IRAK2: variants seen among roughly 807,000 people sequenced by gnomAD.
IRAK2 encodes the protein interleukin 1 receptor associated kinase 2, also known as interleukin-1 receptor-associated kinase-like 2.
In IRAK2, 57 loss-of-function variants were observed where a neutral mutation model predicts 72.0. That is an observed-to-expected ratio of 0.79 (90% CI 0.64 to 0.99). The LOEUF (loss-of-function observed/expected upper bound fraction) is 0.99, where lower values mean the gene tolerates loss of function less well. Ranked by LOEUF, IRAK2 falls within the 50% of genes least tolerant of loss-of-function variation. The pLI, the probability that IRAK2 is intolerant of heterozygous loss-of-function variation, is 0.00. For missense variants in IRAK2, 790 were observed against 794.4 expected (o/e 0.99, Z 0.07); for synonymous variants, 293 against 312.7 (o/e 0.94, Z 0.67).
chr3:10,177,070 G>C (rs1477117109), intron 1 of IRAK2, among the ~76,000 whole-genome samples: 1 of 152,058 alleles, frequency 6.6e-6, no homozygotes. Context: ...CAAAGTGCTG[G>C]GATTACAGGT....
intron 11 of IRAK2, 140 bp from the exon 12 acceptor site, chr3:10,238,608 G>T: frequency 2.6e-6 from 2 of 781,072 alleles, no homozygotes; most frequent in South Asian, 3.5e-5. Context: ...CAAAGGAAGG[G>T]TGTGGTTTTT....
intron 2 of IRAK2, among the ~76,000 whole-genome samples, chr3:10,183,588 G>A (rs1444277278): frequency 6.6e-6 from 1 of 152,152 alleles, no homozygotes; most frequent in African/African-American, 2.4e-5. Context: ...TGGCGTGGTT[G>A]CGGGTGCCTG....
intron 2 of IRAK2, among the ~76,000 whole-genome samples, chr3:10,195,349 G>C (rs780732329): frequency 3.1e-4 from 47 of 152,204 alleles, no homozygotes; most frequent in Non-Finnish European, 7.3e-5. Context: ...TGGGGCCTAG[G>C]AGTTTGAGCC....
chr3:10,182,540 C>A (rs1285912059), intron 2 of IRAK2, among the ~76,000 whole-genome samples: 1 of 152,074 alleles, frequency 6.6e-6, no homozygotes, highest in Non-Finnish European at 1.5e-5. Context: ...CTCGGCCTCC[C>A]AAAGTGCTGG....
chr3:10,205,785 A>T (rs115051641), intron 3 of IRAK2, among the ~76,000 whole-genome samples: 102 of 152,366 alleles, frequency 6.7e-4, no homozygotes, highest in African/African-American at 2.2e-3. Context: ...CTGGAATTAA[A>T]GTTGGTTGAA....
At chr3:10,196,628 G>T (rs772354294) in intron 2 of IRAK2, among the ~76,000 whole-genome samples, 3 of 152,210 alleles carry the variant, frequency 2.0e-5, no homozygotes, top group Non-Finnish European at 2.9e-5. Context: ...GCCCAGGTTG[G>T]GAGAGAAGTG....
At chr3:10,187,598 G>A (rs375460785) in intron 2 of IRAK2, among the ~76,000 whole-genome samples, 49 of 151,962 alleles carry the variant, frequency 3.2e-4, no homozygotes, top group East Asian at 1.2e-3. Flanking sequence ...AACTAAACTC[G>A]GGAAACCCCG....
chr3:10,231,048 G>A (rs11465924), intron 10 of IRAK2, among the ~76,000 whole-genome samples: 10,491 of 152,134 alleles, frequency 0.069, 535 homozygotes, highest in East Asian at 0.21. Context: ...GTGCCCTCAC[G>A]CCCAGCTAAT....
At chr3:10,235,289 A>G (rs1211175556) in intron 11 of IRAK2, among the ~76,000 whole-genome samples, 6 of 152,096 alleles carry the variant, frequency 3.9e-5, no homozygotes, top group Non-Finnish European at 7.4e-5. Flanking sequence ...AAGGTAATCA[A>G]GAGACTACTG....
At chr3:10,228,062 T>C (rs1325486658) in intron 10 of IRAK2, among the ~76,000 whole-genome samples, 1 of 152,040 alleles carries the variant, frequency 6.6e-6, no homozygotes, top group African/African-American at 2.4e-5. Flanking sequence ...CAAGCTGAAG[T>C]GACTTGTCTC....
rs541078429 is a variant in IRAK2, at chr3:10,207,494, C to A, written c.425-2095C>A. 3.9e-5 allele frequency among the ~76,000 whole-genome samples: 6 copies of A among 152,242 alleles called. No homozygotes were observed. The East Asian group carries it at 9.7e-4, about 25-fold the overall frequency. ...GGCCAAGGCCTGCTTCTGTGCGGAC[C>A]AGCCACCATGGCTCACCTCACCCAC... On this transcript the variant is annotated intron_variant, in intron 3 of 12. Transcript: ENST00000256458.
At chr3:10,239,295 C>T (rs920436045) in intron 12 of IRAK2, among the ~76,000 whole-genome samples, 3 of 152,190 alleles carry the variant, frequency 2.0e-5, no homozygotes, top group African/African-American at 4.8e-5. Flanking sequence ...TACTTCTCTG[C>T]GTTCCCCCTT....
chr3:10,179,564 G>T (rs1394136444), intron 2 of IRAK2, among the ~76,000 whole-genome samples: 2 of 151,996 alleles, frequency 1.3e-5, no homozygotes, highest in Non-Finnish European at 2.9e-5. Context: ...TTCCTGAGTA[G>T]CTGGGACCAC....
chr3:10,238,589 A>T (rs1046899078), intron 11 of IRAK2, among the ~76,000 whole-genome samples, 159 bp from the exon 12 acceptor site: 2 of 152,288 alleles, frequency 1.3e-5, no homozygotes, highest in Non-Finnish European at 1.5e-5. Context: ...GGGCAAGCAC[A>T]GGTCTTTTCA....
chr3:10,239,113 T>A, intron 12 of IRAK2, 74 bp downstream of exon 12: 1 of 1,343,254 alleles, frequency 7.4e-7, no homozygotes, highest in Non-Finnish European at 1.0e-6. Context: ...TTTTTCTTTC[T>A]GTTGCCTTCA....
chr3:10,188,221 G>A (rs1334156322), intron 2 of IRAK2, among the ~76,000 whole-genome samples: 1 of 152,180 alleles, frequency 6.6e-6, no homozygotes, highest in Non-Finnish European at 1.5e-5. Context: ...TGGCTCTGAG[G>A]GTGGAGTCTG....
At chr3:10,204,928 C>T (rs1005507107) in intron 3 of IRAK2, among the ~76,000 whole-genome samples, 1 of 152,162 alleles carries the variant, frequency 6.6e-6, no homozygotes, top group Non-Finnish European at 1.5e-5. Context: ...CCCCATCTAT[C>T]ACTATCACCC....
chr3:10,175,767 G>A (rs1696862967), intron 1 of IRAK2, among the ~76,000 whole-genome samples: 1 of 151,718 alleles, frequency 6.6e-6, no homozygotes, highest in Admixed American at 6.6e-5. Context: ...GTGGGCGCCT[G>A]TAGTCCCAGC....
chr3:10,175,664 C>T (rs1310975700), intron 1 of IRAK2, among the ~76,000 whole-genome samples: 6 of 151,806 alleles, frequency 4.0e-5, no homozygotes, highest in African/African-American at 9.7e-5. Context: ...CCGAGGCAGG[C>T]GCATCACAAG....
Sources: gnomAD v4.1 joint callset for allele counts (sites outside exome capture counted in the v4.1 genomes callset) on GRCh38, gnomAD v4.1.1 for gene constraint, MANE v1.5 for transcripts, NCBI Gene and HGNC (gene_info 2026-07-23, HGNC 2026-07-21) for gene names.